The following ALDH3A2 variants were observed in gnomAD, a reference collection of about 807,000 sequenced individuals.
The protein encoded by ALDH3A2 is aldehyde dehydrogenase 3 family member A2, also known as aldehyde dehydrogenase family 3 member A2.
ALDH3A2 carries 36 observed loss-of-function variants against 51.3 expected under a neutral mutation model. The observed-to-expected ratio is 0.70, with a 90% CI of 0.54 to 0.93. ALDH3A2 has a LOEUF of 0.93. ALDH3A2 is among the 40% of genes least tolerant of loss of function. ALDH3A2 has a pLI of 0.00. For missense variants in ALDH3A2, 552 were observed against 603.1 expected (o/e 0.92, Z 0.89); for synonymous variants, 199 against 219.8 (o/e 0.91, Z 0.84).
rs779297363 is a variant in ALDH3A2 at position 19,661,238 on chromosome 17, G to A, written c.910G>A (p.Gly304Arg). ...TGAAGGACAAAAGATAGCTTTTGGT[G>A]GGGAGACTGATGAGGCCACACGCTA... ...LLEGQKIAFG[G>R]ETDEATRYIA... is the part of the protein sequence containing the mutation. Residue 304 changes from glycine to arginine, a missense_variant, in exon 6 of 10, where the codon GGG becomes AGG. Coordinates refer to ENST00000176643, the MANE Select transcript of ALDH3A2 (RefSeq NM_000382.3). 6.2e-7 allele frequency: 1 copy of A among 1,614,084 alleles called. No individual in the cohort carries two copies. The highest frequency in any genetic ancestry group is 1.7e-5 in the Admixed American group (1 of 60,020).
chr17:19,661,099 A>AT (rs2152329935), intron 5 of ALDH3A2, 28 bp from the exon 6 acceptor site: 1 of 1,601,930 alleles, frequency 6.2e-7, no homozygotes, highest in East Asian at 2.2e-5. Context: ...TCTTTGTGAC[A>AT]TTTATATACT....
chr17:19,648,771 G>A lies in ALDH3A2; in HGVS notation c.-201G>A. On this transcript the variant is annotated 5_prime_UTR_variant, in exon 1 of 10. Transcript: ENST00000176643. Reference sequence around the variant, plus strand: ...AGCTCAGTCCTCCCCCGGCGCCTCCGACTGGCAGTGGGACTCAGCGGGCGT... The same window carrying A: ...AGCTCAGTCCTCCCCCGGCGCCTCCAACTGGCAGTGGGACTCAGCGGGCGT... The A allele has an allele frequency of 4.3e-6, 3 of 694,968 alleles. No homozygotes were observed. The highest frequency in any genetic ancestry group is 7.2e-6 in the Non-Finnish European group (3 of 419,032). The allele number at this position is 694,968 out of a possible 1,614,324, so 43.1% of individuals were successfully genotyped here.
chr17:19,657,438 G>A (rs1156712056), intron 4 of ALDH3A2, among the ~76,000 whole-genome samples: 2 of 152,232 alleles, frequency 1.3e-5, no homozygotes, highest in African/African-American at 4.8e-5. Context: ...AGAGGGGAAA[G>A]GACATTGGGA....
At chr17:19,661,066 A>G in intron 5 of ALDH3A2, 61 bp from the exon 6 acceptor site, 2 of 1,539,204 alleles carry the variant, frequency 1.3e-6, no homozygotes, top group South Asian at 2.3e-5. Flanking sequence ...TGGATTTTGT[A>G]CTTACTGAAA....
chr17:19,677,521 C>T lies in ALDH3A2; in HGVS notation c.*1949C>T, dbSNP rs1383957807. 2 of 152,156 alleles carry T rather than the reference C, an allele frequency of 1.3e-5. No homozygotes were observed. Among genetic ancestry groups the T allele is most frequent in the Admixed American group, 6.5e-5 (1 of 15,276 alleles). 9.4% of individuals were successfully genotyped at this position (152,156 alleles called of 1,614,324 possible). ...TAATGACGCTCCTGGTATGGAACCTCAGATATACCCTATTGGAGACAATCC... is the reference window on the plus strand; with the variant it reads ...TAATGACGCTCCTGGTATGGAACCTTAGATATACCCTATTGGAGACAATCC... On this transcript the variant is annotated 3_prime_UTR_variant, in exon 10 of 10. Transcript: ENST00000176643.
chr17:19,657,668 C>T (rs2084914078), intron 4 of ALDH3A2, 77 bp from the exon 5 acceptor site: 1 of 1,138,720 alleles, frequency 8.8e-7, no homozygotes, highest in Non-Finnish European at 1.3e-6. Context: ...GCAAGACATT[C>T]AAACAACACA....
Position 19,662,766 on chromosome 17 carries a change from A to AG in ALDH3A2, c.941-565dup, listed in dbSNP as rs148728551. ...AAAATAGTATTGATTTGATTCACAG[A>AG]GGAGCTGTCTTTGCTCCTAGAAAGA... On this transcript the variant is annotated intron_variant, in intron 6 of 9. Coordinates refer to ENST00000176643, the MANE Select transcript of ALDH3A2 (RefSeq NM_000382.3). Among the ~76,000 whole-genome samples the AG allele has an allele frequency of 2.4e-4, 36 of 152,364 alleles. 1 individual carries two copies. The East Asian group carries it at 6.7e-3, about 29-fold the overall frequency.
At chr17:19,650,072 C>G (rs186155103) in intron 1 of ALDH3A2, 2,190 of 152,174 alleles carry the variant, frequency 0.014, 26 homozygotes, top group Non-Finnish European at 0.021. Flanking sequence ...CCACCACACC[C>G]GGCTCATTTT....
chr17:19,664,885 G>A, intron 7 of ALDH3A2, 63 bp from the exon 8 acceptor site: 2 of 1,113,606 alleles, frequency 1.8e-6, no homozygotes, highest in South Asian at 1.2e-5. Context: ...TCTGTGTGGT[G>A]GGGCCATGAG....
At chr17:19,652,221 T>C (rs2084825640) in intron 2 of ALDH3A2, among the ~76,000 whole-genome samples, 1 of 152,094 alleles carries the variant, frequency 6.6e-6, no homozygotes, top group Admixed American at 6.5e-5. Flanking sequence ...GATAGAGAGA[T>C]GTATGTTGAA....
In ALDH3A2 at chr17:19,663,446, A is replaced by G. The variant is rs1258717212; in HGVS notation, c.1054A>G (p.Ile352Val). Residue 352 changes from isoleucine to valine, a missense_variant, in exon 7 of 10, where the codon ATA becomes GTA. Ile to Val is a conservative substitution (Grantham distance 29, BLOSUM62 3). Transcript: ENST00000176643. Reference protein sequence around the residue: ...VKNVDEAINFINEREKPLALY... With the variant: ...VKNVDEAINFVNEREKPLALY... The stretch of plus-strand genomic sequence containing the variant: ...AAATGTAGATGAGGCCATAAATTTC[A>G]TAAATGAACGTGAAAAGCCTCTGGC... The G allele has an allele frequency of 6.2e-7, 1 of 1,614,234 alleles. No individual in the cohort carries two copies. Among genetic ancestry groups the G allele is most frequent in the East Asian group, 2.2e-5 (1 of 44,878 alleles).
At position 19,648,998 on chromosome 17, in the gene ALDH3A2, A is replaced by T. The variant is rs1597546030; in HGVS notation, c.27A>T (p.Arg9=). Residue 9 remains arginine, a synonymous_variant, in exon 1 of 10, where the codon CGA becomes CGT. Coordinates refer to ENST00000176643, the MANE Select transcript of ALDH3A2 (RefSeq NM_000382.3). The stretch of plus-strand genomic sequence containing the variant: ...TGGAGCTCGAAGTCCGGCGGGTCCG[A>T]CAGGCGTTCCTGTCCGGCCGGTCGC... The part of the protein sequence containing the change: MELEVRRV[R]QAFLSGRSRP... 2.5e-6 allele frequency: 4 copies of T among 1,585,788 alleles called. No individual in the cohort carries two copies. The highest frequency in any genetic ancestry group is 2.6e-6 in the Non-Finnish European group (3 of 1,166,924).
chr17:19,655,110 C>T (rs140967013), intron 3 of ALDH3A2, among the ~76,000 whole-genome samples: 3 of 152,266 alleles, frequency 2.0e-5, no homozygotes, highest in East Asian at 1.9e-4. Flanking sequence ...TATGATGCCG[C>T]GAAGAAATTG....
In ALDH3A2 at chr17:19,656,479, A is replaced by G. The variant is rs771277873; in HGVS notation, c.585A>G (p.Glu195=). 22 of 1,614,170 alleles carry G rather than the reference A, an allele frequency of 1.4e-5. No homozygotes were observed. The highest frequency in any genetic ancestry group is 1.9e-5 in the Non-Finnish European group (22 of 1,180,028). ...GNTAVGKIVM[E]AAAKHLTPVT... is the part of the protein sequence containing the mutation. ...CTGCGGTTGGCAAAATTGTCATGGAAGCTGCTGCCAAGCATCTGACCCCTG... is the reference window on the plus strand; with the variant it reads ...CTGCGGTTGGCAAAATTGTCATGGAGGCTGCTGCCAAGCATCTGACCCCTG... The change falls in exon 4 of 10, where the codon GAA becomes GAG. Residue 195 remains glutamate, a synonymous_variant. Transcript: ENST00000176643.
At chr17:19,673,077 C>G in intron 9 of ALDH3A2, 2 of 1,598,506 alleles carry the variant, frequency 1.3e-6, no homozygotes, top group Non-Finnish European at 1.7e-6. Flanking sequence ...AGGGGTTTGG[C>G]TCATCTTACA....
chr17:19,673,229 A>G, intron 9 of ALDH3A2: 1 of 1,614,188 alleles, frequency 6.2e-7, no homozygotes, highest in Non-Finnish European at 8.5e-7. Flanking sequence ...CAGTAAGCAG[A>G]GATGAACACC....
chr17:19,674,326 G>A (rs1284735746), intron 9 of ALDH3A2: 1 of 152,162 alleles, frequency 6.6e-6, no homozygotes, highest in Non-Finnish European at 1.5e-5. Flanking sequence ...CGGAGGCCCA[G>A]GCTGAGTCTG....
chr17:19,666,441 G>A (rs1435945276), intron 8 of ALDH3A2, among the ~76,000 whole-genome samples: 2 of 152,080 alleles, frequency 1.3e-5, no homozygotes, highest in Non-Finnish European at 1.5e-5. Context: ...TGTCCTACTT[G>A]ACAAGATAGC....
intron 5 of ALDH3A2, 106 bp from the exon 6 acceptor site, chr17:19,661,021 G>A: frequency 9.0e-7 from 1 of 1,113,078 alleles, no homozygotes; most frequent in Non-Finnish European, 1.3e-6. Flanking sequence ...TAGATTCTGT[G>A]AGGATATAAA....
Sources: gnomAD v4.1 joint callset for allele counts (sites outside exome capture counted in the v4.1 genomes callset) on GRCh38, gnomAD v4.1.1 for gene constraint, MANE v1.5 for transcripts, NCBI Gene and HGNC (gene_info 2026-07-23, HGNC 2026-07-21) for gene names.